Variants in CSMD1 observed in about 807,000 individuals in gnomAD.
CSMD1 encodes the protein CUB and Sushi multiple domains 1, also known as CUB and sushi domain-containing protein 1.
In CSMD1, 213 loss-of-function variants were observed where a neutral mutation model predicts 417.5. That is an observed-to-expected ratio of 0.51 (90% CI 0.46 to 0.57). The LOEUF (loss-of-function observed/expected upper bound fraction) is 0.57. Ranked by LOEUF, CSMD1 falls within the 20% of genes least tolerant of loss-of-function variation. The pLI, the probability that CSMD1 is intolerant of heterozygous loss-of-function variation, is 0.00. For missense variants in CSMD1, 6,923 were observed against 4,529.7 expected (o/e 1.53, Z -15.17); for synonymous variants, 2,862 against 1,736.8 (o/e 1.65, Z -16.11).
At chr8:3,181,968 GT>G (rs1187998148) in intron 36 of CSMD1, among the ~76,000 whole-genome samples, 33 of 152,202 alleles carry the variant, frequency 2.2e-4, no homozygotes, top group Non-Finnish European at 4.4e-5. Flanking sequence ...TAATAGACAA[GT>G]TTAAGTCACT....
At chr8:3,076,925 G>A (rs1585289393) in intron 49 of CSMD1, among the ~76,000 whole-genome samples, 1 of 152,126 alleles carries the variant, frequency 6.6e-6, no homozygotes, top group Non-Finnish European at 1.5e-5. Context: ...AGGAGACTGG[G>A]CTTCTGGCAT....
chr8:4,932,843 A>G (rs1162987592), intron 1 of CSMD1, among the ~76,000 whole-genome samples: 5 of 152,210 alleles, frequency 3.3e-5, no homozygotes, highest in Admixed American at 2.0e-4. Context: ...TTTCAACTAC[A>G]GGTCCTGTCG....
chr8:4,189,555 C>A (rs559307499), intron 3 of CSMD1, among the ~76,000 whole-genome samples: 107 of 152,172 alleles, frequency 7.0e-4, no homozygotes, highest in African/African-American at 2.5e-3. Flanking sequence ...ATCAATTATC[C>A]CTCCAAAATG....
At position 4,852,333 on chromosome 8, in the gene CSMD1, C is replaced by T. The variant is rs1412644595; in HGVS notation, c.85+141999G>A. Among the ~76,000 whole-genome samples the T allele has an allele frequency of 5.9e-5, 9 of 152,098 alleles. No homozygotes were observed. In the East Asian group the frequency reaches 1.7e-3, roughly 29 times the overall value. On this transcript the variant is annotated intron_variant, in intron 1 of 69. Coordinates refer to ENST00000635120, the MANE Select transcript of CSMD1 (RefSeq NM_033225.6). ...AGATGGCTTCCTGCTATCCTTGCAA[C>T]AGTGAGAGAGTTCTTGCAACATCTG...
At chr8:4,819,713 A>G (rs1799411656) in intron 1 of CSMD1, among the ~76,000 whole-genome samples, 1 of 152,126 alleles carries the variant, frequency 6.6e-6, no homozygotes, top group African/African-American at 2.4e-5. Context: ...CAGAGTTCTT[A>G]CAGATAAAAC....
intron 3 of CSMD1, among the ~76,000 whole-genome samples, chr8:4,360,229 T>A (rs1372064473): frequency 6.6e-6 from 1 of 152,074 alleles, no homozygotes; most frequent in South Asian, 2.1e-4. Context: ...ACCCTTCTCA[T>A]CTAATGTTGA....
chr8:3,399,286 G>A (rs1035017333), intron 16 of CSMD1, 105 bp downstream of exon 16: 5 of 1,071,270 alleles, frequency 4.7e-6, no homozygotes, highest in East Asian at 2.5e-5. Context: ...TCCTATGCGG[G>A]AACCGAAAAA....
intron 3 of CSMD1, among the ~76,000 whole-genome samples, chr8:4,174,880 A>G (rs532212055): frequency 1.7e-4 from 25 of 150,446 alleles, no homozygotes; most frequent in Non-Finnish European, 2.9e-4. Flanking sequence ...GTTAATGTAC[A>G]CTAGACATCT....
intron 41 of CSMD1, among the ~76,000 whole-genome samples, chr8:3,124,059 C>T (rs1041208934): frequency 4.6e-5 from 7 of 152,094 alleles, no homozygotes; most frequent in Admixed American, 3.3e-4. Flanking sequence ...CCAATGGCTG[C>T]GGGCTACTCT....
chr8:4,207,811 A>G (rs1004430971), intron 3 of CSMD1, among the ~76,000 whole-genome samples: 2 of 152,306 alleles, frequency 1.3e-5, no homozygotes, highest in East Asian at 1.9e-4. Context: ...TACAATAATT[A>G]TGTTGAAACA....
At chr8:3,298,536 C>T (rs539281023) in intron 25 of CSMD1, among the ~76,000 whole-genome samples, 3 of 152,310 alleles carry the variant, frequency 2.0e-5, no homozygotes, top group Admixed American at 2.0e-4. Context: ...TCACTGCAAC[C>T]TCTGCCTCCC....
chr8:4,924,313 T>C (rs549146113), intron 1 of CSMD1, among the ~76,000 whole-genome samples: 1 of 152,380 alleles, frequency 6.6e-6, no homozygotes, highest in African/African-American at 2.4e-5. Flanking sequence ...ATCCTAATTA[T>C]GTTCATGTAA....
chr8:4,500,287 C>T (rs998544527), intron 2 of CSMD1, among the ~76,000 whole-genome samples: 1 of 152,104 alleles, frequency 6.6e-6, no homozygotes, highest in Non-Finnish European at 1.5e-5. Context: ...GTCAATTATG[C>T]CAATTTTTGT....
At chr8:4,948,478 C>A (rs1808516559) in intron 1 of CSMD1, among the ~76,000 whole-genome samples, 1 of 151,872 alleles carries the variant, frequency 6.6e-6, no homozygotes, top group South Asian at 2.1e-4. Context: ...TTGATGTCTG[C>A]ATTTATTTAG....
At chr8:4,895,169 CTA>C (rs1229286008) in intron 1 of CSMD1, among the ~76,000 whole-genome samples, 1 of 152,130 alleles carries the variant, frequency 6.6e-6, no homozygotes, top group African/African-American at 2.4e-5. Context: ...AAAATAATAA[CTA>C]TTTGTAGAAG....
chr8:4,111,756 C>A (rs931194734), intron 3 of CSMD1, among the ~76,000 whole-genome samples: 2 of 152,220 alleles, frequency 1.3e-5, no homozygotes, highest in Non-Finnish European at 2.9e-5. Context: ...ACAACACACA[C>A]TGGGAACTGT....
chr8:2,955,728 A>G lies in CSMD1; in HGVS notation c.9855T>C (p.Asp3285=). 1 of 1,613,896 alleles carries G rather than the reference A, an allele frequency of 6.2e-7. No individual in the cohort carries two copies. Among genetic ancestry groups the G allele is most frequent in the Non-Finnish European group, 8.5e-7 (1 of 1,179,796 alleles). Residue 3285 remains aspartate, a synonymous_variant, in exon 64 of 70, where the codon GAT becomes GAC. Transcript: ENST00000635120. Reference sequence around the variant, plus strand: ...AAGTAGGAAGATCGATGGCTCTCACATCCGCGTGTGCCGGGGTTTCTGGCT... The same window carrying G: ...AAGTAGGAAGATCGATGGCTCTCACGTCCGCGTGTGCCGGGGTTTCTGGCT... ...CRQPETPAHA[D]VRAIDLPTFG...
chr8:4,650,859 G>C (rs1298889176), intron 1 of CSMD1, among the ~76,000 whole-genome samples: 1 of 152,188 alleles, frequency 6.6e-6, no homozygotes, highest in African/African-American at 2.4e-5. Flanking sequence ...ATAGCTAGTT[G>C]CCTAGATAAA....
At chr8:3,085,963 G>C (rs1034711453) in intron 49 of CSMD1, among the ~76,000 whole-genome samples, 4 of 152,082 alleles carry the variant, frequency 2.6e-5, no homozygotes, top group Admixed American at 2.0e-4. Context: ...ATGACTTCAG[G>C]AGTTTCTGCC....
Sources: allele counts gnomAD v4.1 joint callset (sites outside exome capture counted in the v4.1 genomes callset), GRCh38; gene constraint gnomAD v4.1.1; transcripts MANE v1.5; gene names NCBI Gene and HGNC (gene_info 2026-07-23, HGNC 2026-07-21).